Variants in SOX6 observed in about 807,000 individuals in gnomAD.
SOX6 encodes the protein SRY-box transcription factor 6.
A neutral mutation model predicts 97.8 loss-of-function variants in SOX6; 11 were observed. The observed-to-expected ratio is 0.11, with a 90% CI of 0.07 to 0.19. The LOEUF is 0.19. Among genes scored for constraint, SOX6 ranks in the 10% least tolerant of loss-of-function variants. The probability of loss-of-function intolerance (pLI) is 1.00; values close to 1 mark genes in which losing one functional copy is unlikely to be tolerated. For missense variants in SOX6, 810 were observed against 1,039.5 expected (o/e 0.78, Z 3.04); for synonymous variants, 360 against 371.4 (o/e 0.97, Z 0.35).
chr11:16,720,699 T>TA (rs199682350), intron 2 of SOX6, among the ~76,000 whole-genome samples: 8 of 145,464 alleles, frequency 5.5e-5, no homozygotes, highest in Non-Finnish European at 1.1e-4. Flanking sequence ...ATAATAATAA[T>TA]AAAAAAAAGA....
chr11:16,371,563 A>G (rs921007064), intron 1 of SOX6, among the ~76,000 whole-genome samples: 1 of 152,070 alleles, frequency 6.6e-6, no homozygotes, highest in Non-Finnish European at 1.5e-5. Flanking sequence ...TGTATCTCCA[A>G]TCCCCAGCTG....
rs573646577 is a variant in SOX6, at chr11:16,426,783, G to A, written c.-5+49532C>T. On this transcript the variant is annotated intron_variant, in intron 1 of 15. Coordinates refer to the SOX6 transcript ENST00000396356. ...CAAAAAATTAGCCGGGCGTAGTGGC[G>A]GGCGCCTGTAGTCCCAGCTACTTGG... is the stretch of plus-strand genomic sequence containing the variant. Among the ~76,000 whole-genome samples the A allele has an allele frequency of 7.5e-3, 1,132 of 150,350 alleles. 13 individuals are homozygous for A. Among genetic ancestry groups the A allele is most frequent in the African/African-American group, 0.026 (1,081 of 41,160 alleles).
chr11:16,715,959 C>CA (rs1564875898), intron 2 of SOX6, among the ~76,000 whole-genome samples: 1 of 152,150 alleles, frequency 6.6e-6, no homozygotes, highest in African/African-American at 2.4e-5. Flanking sequence ...AGAGGCCAGA[C>CA]ACGGTGATTC....
intron 6 of SOX6, among the ~76,000 whole-genome samples, chr11:16,144,256 G>A (rs1383235670): frequency 6.6e-6 from 1 of 152,162 alleles, no homozygotes; most frequent in Non-Finnish European, 1.5e-5. Flanking sequence ...TGACTGCTGG[G>A]TACATAAGGA....
chr11:16,166,322 G>T (rs1850886964), intron 6 of SOX6, among the ~76,000 whole-genome samples: 1 of 152,066 alleles, frequency 6.6e-6, no homozygotes, highest in Admixed American at 6.5e-5. Context: ...CCAACATTCT[G>T]TTTAATTCAT....
At chr11:16,201,178 TCCA>T (rs1365585647) in intron 4 of SOX6, among the ~76,000 whole-genome samples, 5 of 151,248 alleles carry the variant, frequency 3.3e-5, no homozygotes, top group African/African-American at 1.2e-4. Context: ...AAATACATCA[TCCA>T]ACCTACGACA....
intron 3 of SOX6, among the ~76,000 whole-genome samples, chr11:16,283,589 C>G (rs1854645643): frequency 6.6e-6 from 1 of 151,658 alleles, no homozygotes; most frequent in African/African-American, 2.4e-5. Context: ...CTTTGTAAAA[C>G]ACTAAAAGAT....
intron 9 of SOX6, among the ~76,000 whole-genome samples, chr11:16,060,928 A>G (rs933494788): frequency 6.6e-6 from 1 of 151,864 alleles, no homozygotes; most frequent in African/African-American, 2.4e-5. Context: ...CTTAGCACCA[A>G]TAATGGTGCC....
At chr11:16,536,810 G>C (rs552461598) in intron 4 of SOX6, among the ~76,000 whole-genome samples, 1 of 152,224 alleles carries the variant, frequency 6.6e-6, no homozygotes, top group Non-Finnish European at 1.5e-5. Flanking sequence ...AGCTCAAACT[G>C]GGCGGAGCCC....
At chr11:16,503,095 T>G (rs1173928786) in intron 4 of SOX6, among the ~76,000 whole-genome samples, 1 of 151,986 alleles carries the variant, frequency 6.6e-6, no homozygotes, top group East Asian at 1.9e-4. Flanking sequence ...TGCCACTAAA[T>G]ATACAATACC....
chr11:16,498,074 C>T (rs942858743), intron 4 of SOX6, among the ~76,000 whole-genome samples: 3 of 152,270 alleles, frequency 2.0e-5, no homozygotes, highest in East Asian at 3.9e-4. Context: ...AGAGAAAGGT[C>T]GGGTTACCCA....
chr11:16,645,837 T>C (rs1486460215), intron 3 of SOX6, among the ~76,000 whole-genome samples: 1 of 152,208 alleles, frequency 6.6e-6, no homozygotes, highest in East Asian at 1.9e-4. Context: ...TAAAATTCTG[T>C]TGTTTTAAAC....
At chr11:16,260,368 T>C (rs1010685571) in intron 3 of SOX6, among the ~76,000 whole-genome samples, 1 of 152,138 alleles carries the variant, frequency 6.6e-6, no homozygotes, top group East Asian at 1.9e-4. Context: ...TAATATATGT[T>C]ATATTGTGAA....
intron 1 of SOX6, among the ~76,000 whole-genome samples, chr11:16,440,826 G>A (rs1859490827): frequency 6.6e-6 from 1 of 152,136 alleles, no homozygotes; most frequent in African/African-American, 2.4e-5. Flanking sequence ...TGCAAACACA[G>A]TGTCTGTCCA....
rs138323959 is a variant in SOX6 at position 16,202,239 on chromosome 11, A to C, written c.536-15284T>G. The stretch of plus-strand genomic sequence containing the variant: ...CAAAGAAAACATAAACCAATGAAAA[A>C]TTTTCATTTGCTTCTGAAGATTCTA... On this transcript the variant is annotated intron_variant, in intron 4 of 15. Coordinates refer to ENST00000683767, the MANE Select transcript of SOX6 (RefSeq NM_001367873.1). Among the ~76,000 whole-genome samples, 160 of 152,276 alleles carry C rather than the reference A, an allele frequency of 1.1e-3. 1 individual carries two copies. The highest frequency in any genetic ancestry group is 3.4e-3 in the African/African-American group (142 of 41,570).
At chr11:16,356,944 G>T (rs145230051), upstream of SOX6, among the ~76,000 whole-genome samples, 11 of 152,218 alleles carry the variant, frequency 7.2e-5, no homozygotes, top group Admixed American at 1.3e-4. Flanking sequence ...AGTAGATGGG[G>T]TGAAAGGGAC....
At chr11:16,128,440 C>T (rs1849659691) in intron 6 of SOX6, among the ~76,000 whole-genome samples, 1 of 152,082 alleles carries the variant, frequency 6.6e-6, no homozygotes, top group African/African-American at 2.4e-5. Flanking sequence ...TTTTCCAATA[C>T]CTTAATTTTA....
chr11:16,315,658 T>C (rs986162351), intron 3 of SOX6: 1 of 152,194 alleles, frequency 6.6e-6, no homozygotes, highest in Non-Finnish European at 1.5e-5. Flanking sequence ...CTAGTTGGTC[T>C]TATCAGCCAT....
At chr11:16,704,993 C>T (rs532766672) in intron 3 of SOX6, among the ~76,000 whole-genome samples, 21 of 152,292 alleles carry the variant, frequency 1.4e-4, no homozygotes, top group Middle Eastern at 3.4e-3. Context: ...TGTGGTGGCT[C>T]ATGCCTGTAA....
Sources: allele counts gnomAD v4.1 joint callset (sites outside exome capture counted in the v4.1 genomes callset), GRCh38; gene constraint gnomAD v4.1.1; transcripts MANE v1.5; gene names NCBI Gene and HGNC (gene_info 2026-07-23, HGNC 2026-07-21).